Variants in HMCN2 observed in about 807,000 individuals in gnomAD.
HMCN2 encodes hemicentin 2, also known as hemicentin-2.
Under a neutral mutation model 377.5 loss-of-function variants are expected in HMCN2, and 325 were observed. The ratio of observed to expected loss-of-function variants is 0.86; its 90% CI spans 0.79 to 0.94. The LOEUF is 0.94. HMCN2 is among the 40% of genes least tolerant of loss of function. HMCN2 has a pLI of 0.00. For missense variants in HMCN2, 4,543 were observed against 4,725.3 expected (o/e 0.96, Z 1.13); for synonymous variants, 2,007 against 2,046.8 (o/e 0.98, Z 0.53).
At chr9:130,282,552 G>A (rs1012414525) in intron 1 of HMCN2, among the ~76,000 whole-genome samples, 12 of 152,308 alleles carry the variant, frequency 7.9e-5, no homozygotes, top group African/African-American at 1.9e-4. Context: ...CAGGGCAGGC[G>A]AGGGAGGACA....
intron 1 of HMCN2, among the ~76,000 whole-genome samples, chr9:130,273,360 C>T (rs1834504200): frequency 6.6e-6 from 1 of 152,034 alleles, no homozygotes; most frequent in Non-Finnish European, 1.5e-5. Flanking sequence ...GGTTGAGAGT[C>T]ACAGCTTGTC....
At chr9:130,363,560 GC>G (rs1188995358) in intron 40 of HMCN2, among the ~76,000 whole-genome samples, 1 of 152,068 alleles carries the variant, frequency 6.6e-6, no homozygotes, top group Admixed American at 6.6e-5. Context: ...GGTGGCTCAC[GC>G]CTGTAATCCC....
At position 130,382,227 on chromosome 9, in the gene HMCN2, C is replaced by T. The variant is rs535112386; in HGVS notation, c.8475C>T (p.Ala2825=). The part of the protein sequence containing the change: ...LQIPLVRAEN[A]GRYSCKASNE... ...TCCCCCTGGTGCGGGCAGAGAACGC[C>T]GGGAGGTACTCGTGCAAGGCCTCCA... The change falls in exon 55 of 98, where the codon GCC becomes GCT. Residue 2825 remains alanine, a synonymous_variant. Transcript: ENST00000683500. 8.1e-6 allele frequency: 8 copies of T among 985,822 alleles called. No individual in the cohort carries two copies. Among genetic ancestry groups the T allele is most frequent in the Admixed American group, 6.1e-5 (1 of 16,290 alleles). The allele number at this position is 985,822 out of a possible 1,614,324, so 61.1% of individuals were successfully genotyped here.
At chr9:130,420,718 A>G (rs1194453017) in intron 86 of HMCN2, among the ~76,000 whole-genome samples, 2 of 151,834 alleles carry the variant, frequency 1.3e-5, no homozygotes, top group Non-Finnish European at 2.9e-5. Context: ...GTGTGTCTAC[A>G]CTTCCCTATT....
chr9:130,374,410 A>G (rs1397083808), intron 48 of HMCN2, 92 bp from the exon 49 acceptor site: 7 of 616,002 alleles, frequency 1.1e-5, no homozygotes, highest in African/African-American at 4.0e-5. Flanking sequence ...TGGAAAATTC[A>G]CATCCCCTGA....
intron 3 of HMCN2, 124 bp from the exon 4 acceptor site, chr9:130,286,064 A>G (rs918687101): frequency 2.3e-5 from 9 of 399,052 alleles, no homozygotes; most frequent in South Asian, 9.4e-5. Context: ...ATGTCATTCT[A>G]TACATGTGAC....
At chr9:130,314,177 C>G (rs1837419895) in intron 15 of HMCN2, among the ~76,000 whole-genome samples, 1 of 152,114 alleles carries the variant, frequency 6.6e-6, no homozygotes, top group East Asian at 1.9e-4. Flanking sequence ...AGCTGGGGAA[C>G]AGGAGATGTG....
chr9:130,368,448 T>TG lies in HMCN2; in HGVS notation c.6787+14dup. The stretch of plus-strand genomic sequence containing the variant: ...AGCTGGAGGTGCACGGTGGGTGAGC[T>TG]GGGCGGGGGCTGGAAGGGTCTGGGA... On this transcript the variant is annotated intron_variant, in intron 44 of 97. Coordinates refer to ENST00000683500, the MANE Select transcript of HMCN2 (RefSeq NM_001291815.2). 2.0e-6 allele frequency: 2 copies of TG among 985,928 alleles called. No homozygotes were observed. Among genetic ancestry groups the TG allele is most frequent in the Non-Finnish European group, 2.4e-6 (2 of 830,128 alleles). 61.1% of individuals were successfully genotyped at this position (985,928 alleles called of 1,614,324 possible).
intron 90 of HMCN2, among the ~76,000 whole-genome samples, chr9:130,426,310 A>G (rs1844362859): frequency 6.6e-6 from 1 of 152,226 alleles, no homozygotes; most frequent in Admixed American, 6.5e-5. Flanking sequence ...AGAGACCCCC[A>G]GGAACATGCT....
At position 130,414,729 on chromosome 9, in the gene HMCN2, A is replaced by G. The variant is rs759613179; in HGVS notation, c.12962-4043A>G. Among the ~76,000 whole-genome samples the G allele has an allele frequency of 7.2e-5, 11 of 151,952 alleles. No individual in the cohort carries two copies. Among genetic ancestry groups the G allele is most frequent in the Admixed American group, 5.9e-4 (9 of 15,244 alleles). On this transcript the variant is annotated intron_variant, in intron 85 of 97. Transcript: ENST00000683500. This position sits in a 1 kb window ranked among gnomAD's most constrained non-coding sequence, Gnocchi z 4.4. ...GTGATCATCCCATCTCAGCCTCCCA[A>G]GTAGCTGGGACTGCAGGCACGTGCC...
rs1296692178 is a variant in HMCN2 at position 130,400,121 on chromosome 9, CA to C, written c.11605+492del. The C allele has an allele frequency of 2.0e-5, 3 of 152,488 alleles. No homozygotes were observed. The East Asian group carries it at 5.8e-4, about 29-fold the overall frequency. 9.4% of individuals were successfully genotyped at this position (152,488 alleles called of 1,614,324 possible). ...CGGGAACACTCTTCCCCTCACTCAG[CA>C]AACACCTGCTTTCCCTTCAGATCGC... is the stretch of plus-strand genomic sequence containing the variant. On this transcript the variant is annotated intron_variant, in intron 76 of 97. Transcript: ENST00000683500.
chr9:130,272,325 C>T lies in HMCN2; in HGVS notation c.259+6188C>T, dbSNP rs782245847. On this transcript the variant is annotated intron_variant, in intron 1 of 97. Transcript: ENST00000683500. ...GCGCAATCTTGGCCCACTGCAACCT[C>T]CACCTCCTGGGTTTAAGGAATTCTC... Among the ~76,000 whole-genome samples, 19 of 148,844 alleles carry T rather than the reference C, an allele frequency of 1.3e-4. 1 individual carries two copies. Among genetic ancestry groups the T allele is most frequent in the Non-Finnish European group, 2.4e-4 (16 of 66,290 alleles).
At chr9:130,431,335 C>T (rs761423072) in intron 95 of HMCN2, 32 bp from the exon 96 acceptor site, 241 of 1,542,456 alleles carry the variant, frequency 1.6e-4, no homozygotes, top group Non-Finnish European at 2.1e-4. Flanking sequence ...TGCCCCCATC[C>T]CCCACCTGCC....
chr9:130,355,880 G>T (rs558331677), intron 33 of HMCN2, 26 bp downstream of exon 33: 4 of 1,240,018 alleles, frequency 3.2e-6, no homozygotes, highest in Non-Finnish European at 4.3e-6. Flanking sequence ...TGGAGGCCAG[G>T]GCTGGGGGTA....
intron 30 of HMCN2, among the ~76,000 whole-genome samples, 161 bp from the exon 31 acceptor site, chr9:130,352,765 GT>G (rs1467033832): frequency 3.3e-5 from 5 of 151,156 alleles, no homozygotes; most frequent in African/African-American, 1.2e-4. Context: ...TCTCCCATCT[GT>G]CCCCAGACCC....
rs557822228 is a variant in HMCN2, at chr9:130,392,810, C to T, written c.10137-402C>T. Among the ~76,000 whole-genome samples the T allele has an allele frequency of 3.9e-5, 6 of 152,070 alleles. No individual in the cohort carries two copies. The East Asian group carries it at 7.7e-4, about 20-fold the overall frequency. Reference sequence around the variant, plus strand: ...AGGAGATCAAGACCATCCTGGCTAACACGGTGAAACCCCGTCTCTACTAAA... The same window carrying T: ...AGGAGATCAAGACCATCCTGGCTAATACGGTGAAACCCCGTCTCTACTAAA... On this transcript the variant is annotated intron_variant, in intron 66 of 97. Transcript: ENST00000683500.
intron 53 of HMCN2, 66 bp from the exon 54 acceptor site, chr9:130,379,183 C>T (rs959517781): frequency 6.1e-6 from 3 of 492,690 alleles, no homozygotes; most frequent in Non-Finnish European, 7.9e-6. Flanking sequence ...CGAGAATCTC[C>T]GTGAGCAGAG....
At chr9:130,417,086 A>G (rs1843733718) in intron 85 of HMCN2, among the ~76,000 whole-genome samples, 1 of 149,292 alleles carries the variant, frequency 6.7e-6, no homozygotes, top group South Asian at 2.1e-4. Context: ...TAATTTTTGT[A>G]TTTTTTAGTA....
At position 130,365,624 on chromosome 9, in the gene HMCN2, C is replaced by T; in HGVS notation, c.6409-7C>T. 1 of 985,730 alleles carries T rather than the reference C, an allele frequency of 1.0e-6. No homozygotes were observed. Among genetic ancestry groups the T allele is most frequent in the South Asian group, 4.7e-5 (1 of 21,284 alleles). 61.1% of individuals were successfully genotyped at this position (985,730 alleles called of 1,614,324 possible). On this transcript the variant is annotated splice_polypyrimidine_tract_variant and splice_region_variant and intron_variant, in intron 41 of 97. Transcript: ENST00000683500. ...CCCTCCCATGGGGTGTCTTTGCTCT[C>T]TGCCAGGTGGACAGAGCCGATGTGT...
Sources: allele counts gnomAD v4.1 joint callset (sites outside exome capture counted in the v4.1 genomes callset), GRCh38; gene constraint gnomAD v4.1.1; non-coding constraint Gnocchi (gnomAD v3.1); transcripts MANE v1.5; gene names NCBI Gene and HGNC (gene_info 2026-07-23, HGNC 2026-07-21).